GALNT18: variants seen among roughly 807,000 people sequenced by gnomAD.
GALNT18 encodes the protein GalNAc-transferase 18.
Under a neutral mutation model 69.5 loss-of-function variants are expected in GALNT18, and 44 were observed. The ratio of observed to expected loss-of-function variants is 0.63; its 90% CI spans 0.50 to 0.81. GALNT18 has a LOEUF of 0.81. GALNT18 is among the 40% of genes least tolerant of loss of function. GALNT18 has a pLI of 0.00. For synonymous variants in GALNT18, 364 were observed against 318.2 expected (o/e 1.14, Z -1.53); for missense variants, 715 against 810.0 (o/e 0.88, Z 1.42).
chr11:11,530,224 C>A (rs1204088722), intron 1 of GALNT18, among the ~76,000 whole-genome samples: 1 of 152,184 alleles, frequency 6.6e-6, no homozygotes, highest in East Asian at 1.9e-4. Flanking sequence ...GGGGAAGGGG[C>A]CCCTGGATTC....
At position 11,591,736 on chromosome 11, in the gene GALNT18, C is replaced by T. The variant is rs1238841925; in HGVS notation, c.235+29623G>A. ...TAGTGCCAGATGGAAATACAATGAG[C>T]CCAGCCATACAGATGTGCTCCCATA... On this transcript the variant is annotated intron_variant, in intron 1 of 10. Coordinates refer to ENST00000227756, the MANE Select transcript of GALNT18 (RefSeq NM_198516.3). The surrounding 1 kb of genome is among the most constrained non-coding windows in gnomAD (Gnocchi z 4.8). Among the ~76,000 whole-genome samples, 3 of 152,180 alleles carry T rather than the reference C, an allele frequency of 2.0e-5. No homozygotes were observed. The highest frequency in any genetic ancestry group is 4.4e-5 in the Non-Finnish European group (3 of 68,036).
chr11:11,483,937 T>A (rs143979377), intron 1 of GALNT18, among the ~76,000 whole-genome samples: 1 of 152,116 alleles, frequency 6.6e-6, no homozygotes, highest in Non-Finnish European at 1.5e-5. Flanking sequence ...TGTGGGCAGA[T>A]GCAGACTGAA....
Position 11,459,188 on chromosome 11 carries a change from CTGTTTCT to C in GALNT18, c.236-10259_236-10253del, listed in dbSNP as rs1855986443. 1.3e-5 allele frequency among the ~76,000 whole-genome samples: 2 copies of C among 152,148 alleles called. No individual in the cohort carries two copies. The highest frequency in any genetic ancestry group is 2.9e-5 in the Non-Finnish European group (2 of 68,030). ...GTTGATGGAGGGCTTCCCTTCTTCT[CTGTTTCT>C]AGAGTTGCATTCAAACATGAGCCGA... On this transcript the variant is annotated intron_variant, in intron 1 of 10. Transcript: ENST00000227756. This position sits in a 1 kb window ranked among gnomAD's most constrained non-coding sequence, Gnocchi z 5.0.
intron 3 of GALNT18, among the ~76,000 whole-genome samples, chr11:11,418,612 G>C (rs1854920566): frequency 1.3e-5 from 2 of 152,212 alleles, no homozygotes; most frequent in South Asian, 4.1e-4. Context: ...TCAGCACTTT[G>C]CTTTGTGTGC....
chr11:11,452,779 G>A (rs1453501764), intron 1 of GALNT18, among the ~76,000 whole-genome samples: 1 of 152,166 alleles, frequency 6.6e-6, no homozygotes, highest in Non-Finnish European at 1.5e-5. Flanking sequence ...TGGCATCTAG[G>A]GATGAGGCAC....
In GALNT18 at chr11:11,558,972, T is replaced by C. The variant is rs939078531; in HGVS notation, c.235+62387A>G. Among the ~76,000 whole-genome samples, 3 of 152,214 alleles carry C rather than the reference T, an allele frequency of 2.0e-5. No homozygotes were observed. The East Asian group carries it at 5.8e-4, about 29-fold the overall frequency. ...CAGCACAGGAGTGAGCACCATAGCC[T>C]GCCAGAGCTCCAGCCCCAACTCAAC... is the stretch of plus-strand genomic sequence containing the variant. On this transcript the variant is annotated intron_variant, in intron 1 of 10. Coordinates refer to ENST00000227756, the MANE Select transcript of GALNT18 (RefSeq NM_198516.3).
In GALNT18 at chr11:11,621,640, C is replaced by A. The variant is rs983675367; in HGVS notation, c.-47G>T. On this transcript the variant is annotated 5_prime_UTR_variant, in exon 1 of 11. Coordinates refer to ENST00000227756, the MANE Select transcript of GALNT18 (RefSeq NM_198516.3). This position sits in a 1 kb window ranked among gnomAD's most constrained non-coding sequence, Gnocchi z 9.3. ...AGAGCTCCCGGGGGCCCTTCCTTGT[C>A]GTGCGCCCCGAACTCCCCCGCGCTC... The A allele has an allele frequency of 7.0e-7, 1 of 1,437,812 alleles. No individual in the cohort carries two copies. The highest frequency in any genetic ancestry group is 1.3e-5 in the South Asian group (1 of 79,260). 89.1% of individuals were successfully genotyped at this position (1,437,812 alleles called of 1,614,324 possible).
chr11:11,271,605 G>GGGCTGGGTCTTGCTCCCCATAGCTATC (rs146486599), intron 10 of GALNT18, among the ~76,000 whole-genome samples: 9 of 151,210 alleles, frequency 6.0e-5, no homozygotes, highest in Non-Finnish European at 8.9e-5. Flanking sequence ...CCTACCCCAG[G>GGGCTGGGTCTTGCTCCCCATAGCTATC]GGCTGGGTCC....
In GALNT18 at chr11:11,461,080, C is replaced by T. The variant is rs1856032095; in HGVS notation, c.236-12144G>A. Among the ~76,000 whole-genome samples, 1 of 152,176 alleles carries T rather than the reference C, an allele frequency of 6.6e-6. No homozygotes were observed. The highest frequency in any genetic ancestry group is 2.1e-4 in the South Asian group (1 of 4,822). ...AAGACCAGAGTCAGTTCAGTCCGGG[C>T]TGACATGGCAGACAAAGGACAGGAA... On this transcript the variant is annotated intron_variant, in intron 1 of 10. Transcript: ENST00000227756. This position sits in a 1 kb window ranked among gnomAD's most constrained non-coding sequence, Gnocchi z 4.1.
chr11:11,280,144 C>T (rs1167495766), intron 10 of GALNT18, among the ~76,000 whole-genome samples: 2 of 152,078 alleles, frequency 1.3e-5, no homozygotes, highest in Admixed American at 1.3e-4. Context: ...CCCAGGGCAC[C>T]CCCCGCCCGG....
intron 1 of GALNT18, among the ~76,000 whole-genome samples, chr11:11,577,746 G>A (rs781255828): frequency 1.2e-4 from 19 of 152,292 alleles, no homozygotes; most frequent in African/African-American, 1.7e-4. Context: ...ACAAGCTCCC[G>A]GCTGGCACTT....
At chr11:11,359,881 G>T (rs1850606312) in intron 6 of GALNT18, among the ~76,000 whole-genome samples, 1 of 152,188 alleles carries the variant, frequency 6.6e-6, no homozygotes, top group African/African-American at 2.4e-5. Context: ...TAAGGAGGGA[G>T]TTATTTATTC....
In GALNT18 at chr11:11,600,657, TC is replaced by T; in HGVS notation, c.235+20701del. Among the ~76,000 whole-genome samples, 1 of 152,264 alleles carries T rather than the reference TC, an allele frequency of 6.6e-6. No homozygotes were observed. Among genetic ancestry groups the T allele is most frequent in the Middle Eastern group, 3.4e-3 (1 of 294 alleles). On this transcript the variant is annotated intron_variant, in intron 1 of 10. Coordinates refer to ENST00000227756, the MANE Select transcript of GALNT18 (RefSeq NM_198516.3). The surrounding 1 kb of genome is among the most constrained non-coding windows in gnomAD (Gnocchi z 4.8). ...TATCCTATATGAACCTTGTTGAGCT[TC>T]TTGGATATAAAGATTAATATTCTTT... is the stretch of plus-strand genomic sequence containing the variant.
chr11:11,479,020 C>T (rs1019749062), intron 1 of GALNT18, among the ~76,000 whole-genome samples: 1 of 152,202 alleles, frequency 6.6e-6, no homozygotes, highest in Non-Finnish European at 1.5e-5. Context: ...AATGGCCCTG[C>T]GTCTTGGGCT....
intron 10 of GALNT18, among the ~76,000 whole-genome samples, chr11:11,290,966 T>C (rs1397958325): frequency 6.6e-6 from 1 of 152,176 alleles, no homozygotes; most frequent in Non-Finnish European, 1.5e-5. Context: ...ACAAGCCTAC[T>C]TTGCACCCAG....
rs1390270647 is a variant in GALNT18 at position 11,347,299 on chromosome 11, A to G, written c.1093-6295T>C. On this transcript the variant is annotated intron_variant, in intron 6 of 10. Transcript: ENST00000227756. The surrounding 1 kb of genome is among the most constrained non-coding windows in gnomAD (Gnocchi z 4.0). ...AAATTGGGTTAAAATAGGGACACAT[A>G]GTAGACAAAGCAATGGGATGTAGTT... 1.3e-5 allele frequency among the ~76,000 whole-genome samples: 2 copies of G among 152,220 alleles called. No homozygotes were observed. The highest frequency in any genetic ancestry group is 1.9e-4 in the East Asian group (1 of 5,192).
At chr11:11,328,342 T>C (rs1849961141) in intron 8 of GALNT18, among the ~76,000 whole-genome samples, 1 of 152,076 alleles carries the variant, frequency 6.6e-6, no homozygotes, top group South Asian at 2.1e-4. Flanking sequence ...ACACTCTGCC[T>C]AGAACAGGGG....
chr11:11,572,278 C>T (rs570479626), intron 1 of GALNT18, among the ~76,000 whole-genome samples: 2 of 152,302 alleles, frequency 1.3e-5, no homozygotes, highest in East Asian at 1.9e-4. Context: ...CACAAATACA[C>T]GGCCTGCTTG....
chr11:11,321,309 C>A (rs1291544388), intron 9 of GALNT18, among the ~76,000 whole-genome samples: 1 of 152,116 alleles, frequency 6.6e-6, no homozygotes, highest in African/African-American at 2.4e-5. Context: ...ACCAAGAGGA[C>A]AAATGAGGAA....
Sources: allele counts gnomAD v4.1 joint callset (sites outside exome capture counted in the v4.1 genomes callset), GRCh38; gene constraint gnomAD v4.1.1; non-coding constraint Gnocchi (gnomAD v3.1); transcripts MANE v1.5; gene names NCBI Gene and HGNC (gene_info 2026-07-23, HGNC 2026-07-21).